Variants in ATXN3 observed in about 807,000 individuals in gnomAD.
ATXN3 encodes ataxin-3.
In ATXN3, 28 loss-of-function variants were observed where a neutral mutation model predicts 58.2. That is an observed-to-expected ratio of 0.48 (90% CI 0.36 to 0.66). ATXN3 has a LOEUF of 0.66. Ranked by LOEUF, ATXN3 falls within the 30% of genes least tolerant of loss-of-function variation. The probability of loss-of-function intolerance (pLI) is 0.00; values close to 1 mark genes in which losing one functional copy is unlikely to be tolerated. For synonymous variants in ATXN3, 113 were observed against 138.5 expected, an observed-to-expected ratio of 0.82 and a Z score of 1.29; for missense variants, 321 against 422.1, an observed-to-expected ratio of 0.76 and a Z score of 2.10.
intron 4 of ATXN3, 154 bp from the exon 5 acceptor site, chr14:92,093,472 G>C: frequency 4.8e-6 from 3 of 622,812 alleles, no homozygotes; most frequent in Non-Finnish European, 8.4e-6. Context: ...CCATATGAAC[G>C]TCTCTGCAGC....
chr14:92,084,197 T>C (rs957755745), intron 6 of ATXN3, among the ~76,000 whole-genome samples: 6 of 152,170 alleles, frequency 3.9e-5, no homozygotes, highest in Non-Finnish European at 7.4e-5. Context: ...CATATATACA[T>C]CTACCTTATT....
chr14:92,057,931 A>G (rs138694664), downstream of ATXN3, among the ~76,000 whole-genome samples: 4 of 152,202 alleles, frequency 2.6e-5, no homozygotes, highest in Middle Eastern at 6.8e-3. Flanking sequence ...GCTGGTCTCA[A>G]ACTCCTGGGG....
At chr14:92,069,234 C>T (rs2059001029) in intron 10 of ATXN3, among the ~76,000 whole-genome samples, 1 of 151,370 alleles carries the variant, frequency 6.6e-6, no homozygotes, top group Admixed American at 6.6e-5. Flanking sequence ...CCATGCCCAG[C>T]AAATTTTTGT....
chr14:92,092,595 T>C (rs55961936), intron 5 of ATXN3, among the ~76,000 whole-genome samples: 1 of 152,104 alleles, frequency 6.6e-6, no homozygotes, highest in Non-Finnish European at 1.5e-5. Flanking sequence ...ATGTAATAAT[T>C]AACTGACAGA....
In ATXN3 at chr14:92,106,578, C is replaced by T. The variant is rs755302582; in HGVS notation, c.-26G>A. ...GTTTATTTGTCTGGAGCCAACGGCC[C>T]CCACGCCGAACCACCCCCTCCAGCT... is the stretch of plus-strand genomic sequence containing the variant. On this transcript the variant is annotated 5_prime_UTR_variant, in exon 1 of 11. Transcript: ENST00000644486. 3.7e-6 allele frequency: 6 copies of T among 1,611,796 alleles called. No individual in the cohort carries two copies. Among genetic ancestry groups the T allele is most frequent in the Non-Finnish European group, 5.1e-6 (6 of 1,178,802 alleles).
chr14:92,100,751 A>T (rs1275225922), intron 1 of ATXN3, among the ~76,000 whole-genome samples: 3 of 152,182 alleles, frequency 2.0e-5, no homozygotes, highest in Non-Finnish European at 4.4e-5. Flanking sequence ...TAGAAAAGGG[A>T]ATAATGGGAG....
At chr14:92,070,744 C>CTAT in intron 10 of ATXN3, 191 bp downstream of exon 10, 2 of 1,017,122 alleles carry the variant, frequency 2.0e-6, no homozygotes, top group South Asian at 4.1e-5. Flanking sequence ...CCACATCTAG[C>CTAT]TTTTTTTTTT....
chr14:92,069,504 GCTGGA>G (rs1461866839), intron 10 of ATXN3, among the ~76,000 whole-genome samples: 1 of 149,580 alleles, frequency 6.7e-6, no homozygotes, highest in African/African-American at 2.5e-5. Context: ...CTCCTGAATA[GCTGGA>G]CTACAGGTGC....
At chr14:92,051,639 T>C (rs1347312632), upstream of ATXN3, among the ~76,000 whole-genome samples, 1 of 132,686 alleles carries the variant, frequency 7.5e-6, no homozygotes, top group Non-Finnish European at 1.7e-5. Context: ...TTTATTTTAA[T>C]TTTTTTTTTT....
chr14:92,091,940 C>T (rs1424419041), intron 5 of ATXN3, among the ~76,000 whole-genome samples: 2 of 152,146 alleles, frequency 1.3e-5, no homozygotes, highest in East Asian at 3.9e-4. Flanking sequence ...AAGCAATCCT[C>T]CTGCCTTGGC....
upstream of ATXN3, chr14:92,050,656 T>TTAGTA (rs925354100): frequency 3.5e-4 from 53 of 152,268 alleles, no homozygotes; most frequent in African/African-American, 1.1e-3. Flanking sequence ...TCATCTGTTC[T>TTAGTA]TTGTGTTTTT....
intron 1 of ATXN3, among the ~76,000 whole-genome samples, chr14:92,099,719 T>C (rs1006896980): frequency 1.3e-5 from 2 of 151,952 alleles, no homozygotes; most frequent in African/African-American, 4.8e-5. Context: ...AAATAAAAAA[T>C]TAACTGAGCA....
chr14:92,079,636 T>C (rs983870280), intron 9 of ATXN3, among the ~76,000 whole-genome samples: 1 of 152,232 alleles, frequency 6.6e-6, no homozygotes, highest in Non-Finnish European at 1.5e-5. Context: ...TCAGAATGGA[T>C]GAAATACAGC....
At chr14:92,090,760 T>C (rs1214284894) in intron 5 of ATXN3, among the ~76,000 whole-genome samples, 1 of 152,130 alleles carries the variant, frequency 6.6e-6, no homozygotes, top group Non-Finnish European at 1.5e-5. Flanking sequence ...GACATTTATT[T>C]GCAAATTAAT....
intron 10 of ATXN3, among the ~76,000 whole-genome samples, chr14:92,070,079 T>TTATATATTATTA (rs1233782251): frequency 6.6e-6 from 1 of 152,242 alleles, no homozygotes; most frequent in Non-Finnish European, 1.5e-5. Context: ...TATTCAGTTT[T>TTATATATTATTA]AAGAGTTCTT....
intron 3 of ATXN3, 53 bp from the exon 4 acceptor site, chr14:92,093,884 T>C (rs752589357): frequency 1.4e-4 from 150 of 1,079,460 alleles, no homozygotes; most frequent in Non-Finnish European, 2.0e-4. Flanking sequence ...ATTCCAAATT[T>C]AGGAAGTGTA....
intron 1 of ATXN3, chr14:92,097,056 C>T (rs527734891): frequency 4.4e-4 from 192 of 437,668 alleles, no homozygotes; most frequent in Non-Finnish European, 5.7e-4. Context: ...TACAGGCACC[C>T]GCCACCACGC....
At chr14:92,081,579 A>G (rs746789483) in intron 8 of ATXN3, among the ~76,000 whole-genome samples, 3 of 151,908 alleles carry the variant, frequency 2.0e-5, no homozygotes, top group Non-Finnish European at 4.4e-5. Flanking sequence ...ATTGCACACC[A>G]TATGGAGTAC....
chr14:92,091,480 A>C (rs935212842), intron 5 of ATXN3, among the ~76,000 whole-genome samples: 1 of 151,980 alleles, frequency 6.6e-6, no homozygotes, highest in African/African-American at 2.4e-5. Context: ...AGAAAGAACC[A>C]ACTTAGGATG....
Sources: gnomAD v4.1 joint callset for allele counts (sites outside exome capture counted in the v4.1 genomes callset) on GRCh38, gnomAD v4.1.1 for gene constraint, MANE v1.5 for transcripts, NCBI Gene and HGNC (gene_info 2026-07-23, HGNC 2026-07-21) for gene names.